The following TUSC3 variants were observed in gnomAD, a reference collection of about 807,000 sequenced individuals.
TUSC3 encodes the protein tumor suppressor candidate 3.
In TUSC3, 45 loss-of-function variants were observed where a neutral mutation model predicts 44.8. The ratio of observed to expected loss-of-function variants is 1.00; its 90% CI spans 0.79 to 1.29. The LOEUF (loss-of-function observed/expected upper bound fraction) is 1.29. Ranked by LOEUF, TUSC3 falls within the 50% of genes most tolerant of loss-of-function variation. TUSC3 has a pLI of 0.00. For synonymous variants in TUSC3, 212 were observed against 152.9 expected, an observed-to-expected ratio of 1.39 and a Z score of -2.85; for missense variants, 519 against 437.9, an observed-to-expected ratio of 1.19 and a Z score of -1.65.
the TUSC3 span, among the ~76,000 whole-genome samples, chr8:15,796,060 G>A: frequency 7.6e-6 from 1 of 132,092 alleles, no homozygotes; most frequent in Non-Finnish European, 1.8e-5. Context: ...CAGGTAAGCT[G>A]TTTGTTCAGC....
In TUSC3 at chr8:15,519,094, C is replaced by G. The variant is rs6983652; in HGVS notation, n.189+35611C>G. On this transcript the variant is annotated intron_variant and non_coding_transcript_variant, in intron 2 of 5. Transcript: ENST00000503191. ...GCTCATTGATTTGGCTTCTTGCTCA[C>G]TCTGATATACACATCTACTGACATT... 9.1e-3 allele frequency among the ~76,000 whole-genome samples: 1,386 copies of G among 152,262 alleles called. 21 individuals carry two copies. The highest frequency in any genetic ancestry group is 0.031 in the African/African-American group (1,285 of 41,534).
chr8:15,555,199 A>G (rs549274041), intron 1 of TUSC3, among the ~76,000 whole-genome samples: 2 of 96,098 alleles, frequency 2.1e-5, no homozygotes, highest in Admixed American at 1.7e-4. Flanking sequence ...TCCAGGGTGG[A>G]GTGTAGTGGT....
At chr8:15,617,941 C>G (rs1424857597) in intron 1 of TUSC3, among the ~76,000 whole-genome samples, 1 of 152,080 alleles carries the variant, frequency 6.6e-6, no homozygotes, top group Non-Finnish European at 1.5e-5. Flanking sequence ...TGGTATAGCT[C>G]CTAGGGTACA....
At chr8:15,515,585 C>G (rs1446996280) in intron 2 of TUSC3, among the ~76,000 whole-genome samples, 1 of 152,032 alleles carries the variant, frequency 6.6e-6, no homozygotes, top group Non-Finnish European at 1.5e-5. Flanking sequence ...AGCAAAATAT[C>G]ATTGGAGTTT....
intron 2 of TUSC3, among the ~76,000 whole-genome samples, chr8:15,522,931 C>T (rs1041910356): frequency 2.0e-5 from 3 of 152,060 alleles, no homozygotes; most frequent in Admixed American, 6.6e-5. Context: ...CAGAGAGAGG[C>T]GCAGTGGGAG....
intron 2 of TUSC3, among the ~76,000 whole-genome samples, chr8:15,632,498 A>T (rs1345574511): frequency 2.6e-5 from 4 of 151,946 alleles, no homozygotes; most frequent in East Asian, 1.9e-4. Flanking sequence ...GTACAGGGAA[A>T]TTTTTTTTGC....
chr8:15,549,653 C>T (rs1801988077), intron 1 of TUSC3, among the ~76,000 whole-genome samples: 1 of 151,430 alleles, frequency 6.6e-6, no homozygotes, highest in South Asian at 2.1e-4. Flanking sequence ...CGGGGCCTCC[C>T]TTAAGGAAGG....
At chr8:15,850,329 A>T in the TUSC3 span, among the ~76,000 whole-genome samples, 9 of 152,166 alleles carry the variant, frequency 5.9e-5, no homozygotes, top group East Asian at 1.5e-3. Context: ...GTTCTCAGTA[A>T]ATCTTCCCAT....
chr8:15,800,190 T>C, the TUSC3 span, among the ~76,000 whole-genome samples: 137 of 152,272 alleles, frequency 9.0e-4, 1 homozygote, highest in East Asian at 0.022. Flanking sequence ...TCACAAAACA[T>C]AGAGAAACTT....
chr8:15,470,469 A>G (rs1034439891), intron 1 of TUSC3, among the ~76,000 whole-genome samples: 1 of 152,146 alleles, frequency 6.6e-6, no homozygotes, highest in African/African-American at 2.4e-5. Context: ...TGACATGTCA[A>G]TGTAGGCTCA....
At chr8:15,513,707 T>C (rs1362913396) in intron 2 of TUSC3, among the ~76,000 whole-genome samples, 1 of 152,114 alleles carries the variant, frequency 6.6e-6, no homozygotes, top group East Asian at 1.9e-4. Flanking sequence ...TACCTGGGTC[T>C]ACACACATTT....
chr8:15,456,955 T>C (rs1194868225), intron 1 of TUSC3, among the ~76,000 whole-genome samples: 1 of 151,980 alleles, frequency 6.6e-6, no homozygotes, highest in African/African-American at 2.4e-5. Flanking sequence ...TTTATGAAAA[T>C]AAAGACAATT....
rs1354588407 is a variant in TUSC3 at position 15,657,321 on chromosome 8, G to A, written c.427-2186G>A. Among the ~76,000 whole-genome samples the A allele has an allele frequency of 1.7e-4, 26 of 152,018 alleles. 1 individual carries two copies. The highest frequency in any genetic ancestry group is 1.7e-3 in the Admixed American group (26 of 15,260). The stretch of plus-strand genomic sequence containing the variant: ...TTCTATTTTATTATATGCATTTAAA[G>A]TAAGCCATACTGCATCCAGAATGTT... On this transcript the variant is annotated intron_variant, in intron 3 of 10. Transcript: ENST00000503731.
the TUSC3 span, among the ~76,000 whole-genome samples, chr8:15,798,784 A>G: frequency 6.6e-6 from 1 of 152,096 alleles, no homozygotes; most frequent in Non-Finnish European, 1.5e-5. Context: ...ACAACATTTT[A>G]AAGGAGTTCA....
At chr8:15,600,060 G>T (rs775173498) in intron 1 of TUSC3, among the ~76,000 whole-genome samples, 1 of 151,544 alleles carries the variant, frequency 6.6e-6, no homozygotes, top group Non-Finnish European at 1.5e-5. Context: ...TCATTTTCTT[G>T]TCTTACTGCA....
At chr8:15,646,576 T>C (rs1806642140) in intron 2 of TUSC3, among the ~76,000 whole-genome samples, 1 of 152,120 alleles carries the variant, frequency 6.6e-6, no homozygotes, top group South Asian at 2.1e-4. Context: ...TATTCAATAC[T>C]TGTATTATGT....
chr8:15,563,963 T>A (rs1802574595), intron 1 of TUSC3, among the ~76,000 whole-genome samples: 1 of 152,090 alleles, frequency 6.6e-6, no homozygotes, highest in African/African-American at 2.4e-5. Flanking sequence ...AAATTTTCAT[T>A]GAGTCTGAAA....
At chr8:15,593,386 A>G (rs1283482558) in intron 1 of TUSC3, among the ~76,000 whole-genome samples, 2 of 152,186 alleles carry the variant, frequency 1.3e-5, no homozygotes, top group African/African-American at 4.8e-5. Flanking sequence ...ACACCCGGTC[A>G]GTATATTAGT....
At chr8:15,423,306 CTT>C (rs1220902654) in intron 1 of TUSC3, among the ~76,000 whole-genome samples, 1 of 151,972 alleles carries the variant, frequency 6.6e-6, no homozygotes, top group Non-Finnish European at 1.5e-5. Context: ...TTTGAAGTGT[CTT>C]TGTAGGATTT....
Sources: allele counts gnomAD v4.1 joint callset (sites outside exome capture counted in the v4.1 genomes callset), GRCh38; gene constraint gnomAD v4.1.1; transcripts MANE v1.5; gene names NCBI Gene and HGNC (gene_info 2026-07-23, HGNC 2026-07-21).